KIF6: variants seen among roughly 807,000 people sequenced by gnomAD.
KIF6 encodes kinesin family member 6.
Under a neutral mutation model 112.7 loss-of-function variants are expected in KIF6, and 106 were observed. The ratio of observed to expected loss-of-function variants is 0.94; its 90% confidence interval spans 0.80 to 1.11. KIF6 has a LOEUF of 1.11. KIF6 is among the 50% of genes least tolerant of loss of function. KIF6 has a pLI of 0.00. For synonymous variants in KIF6, 339 were observed against 339.9 expected, an observed-to-expected ratio of 1.00 and a Z score of 0.03; for missense variants, 929 against 964.0, an observed-to-expected ratio of 0.96 and a Z score of 0.48.
chr6:39,496,111 A>G (rs1775768017), intron 13 of KIF6, among the ~76,000 whole-genome samples: 1 of 152,112 alleles, frequency 6.6e-6, no homozygotes, highest in South Asian at 2.1e-4. Flanking sequence ...CTTAACATTA[A>G]ACCTCTAAAC....
At chr6:39,358,370 G>A (rs1281621736) in intron 18 of KIF6, among the ~76,000 whole-genome samples, 1 of 152,248 alleles carries the variant, frequency 6.6e-6, no homozygotes, top group Non-Finnish European at 1.5e-5. Flanking sequence ...CTCAGGGGCA[G>A]CATGGAATTG....
intron 13 of KIF6, among the ~76,000 whole-genome samples, chr6:39,440,283 T>C (rs891077599): frequency 6.6e-6 from 1 of 152,084 alleles, no homozygotes; most frequent in Non-Finnish European, 1.5e-5. Context: ...AGGATGATTA[T>C]ACTCTGTGGC....
At chr6:39,612,175 G>T (rs1783250993) in intron 6 of KIF6, among the ~76,000 whole-genome samples, 1 of 152,136 alleles carries the variant, frequency 6.6e-6, no homozygotes, top group Non-Finnish European at 1.5e-5. Flanking sequence ...TGCGTCTAAG[G>T]CAGGGCATTC....
chr6:39,644,737 A>T (rs1305975177), intron 3 of KIF6, among the ~76,000 whole-genome samples: 1 of 152,182 alleles, frequency 6.6e-6, no homozygotes, highest in Non-Finnish European at 1.5e-5. Context: ...TCAAAATTAA[A>T]TAATGGTGAT....
chr6:39,645,705 T>C (rs373914992), intron 3 of KIF6, among the ~76,000 whole-genome samples: 1 of 152,174 alleles, frequency 6.6e-6, no homozygotes, highest in East Asian at 1.9e-4. Context: ...CTTTTTCTAT[T>C]GATTGGAATA....
At chr6:39,497,354 G>T (rs1775845017) in intron 13 of KIF6, among the ~76,000 whole-genome samples, 1 of 152,202 alleles carries the variant, frequency 6.6e-6, no homozygotes, top group Admixed American at 6.5e-5. Context: ...AGAAGTCAAT[G>T]CTGTTTAAGT....
At position 39,720,827 on chromosome 6, in the gene KIF6, C is replaced by A; in HGVS notation, c.67-16G>T. On this transcript the variant is annotated splice_polypyrimidine_tract_variant and intron_variant, in intron 1 of 22. Coordinates refer to ENST00000287152, the MANE Select transcript of KIF6 (RefSeq NM_145027.6). ...TGGAATAAATCTGCAAATGTGAAGA[C>A]AACAAATGGATATAAAATGGTGAAA... The A allele has an allele frequency of 9.3e-7, 1 of 1,077,018 alleles. No individual in the cohort carries two copies. Among genetic ancestry groups the A allele is most frequent in the East Asian group, 2.4e-5 (1 of 42,456 alleles). 66.7% of individuals were successfully genotyped at this position (1,077,018 alleles called of 1,614,324 possible).
intron 12 of KIF6, among the ~76,000 whole-genome samples, chr6:39,542,642 C>A (rs1232579880): frequency 6.6e-6 from 1 of 152,152 alleles, no homozygotes; most frequent in Non-Finnish European, 1.5e-5. Flanking sequence ...AGTCGTTGGT[C>A]TTTGATAAGC....
intron 4 of KIF6, among the ~76,000 whole-genome samples, chr6:39,636,670 CCT>C (rs1784636822): frequency 6.6e-6 from 1 of 151,870 alleles, no homozygotes; most frequent in South Asian, 2.1e-4. Context: ...AGACTCTGTC[CCT>C]CTCTGCAGCA....
rs145320572 is a variant in KIF6 at position 39,336,431 on chromosome 6, G to T, written c.*101C>A. The stretch of plus-strand genomic sequence containing the variant: ...TCAAAGTCACTAGTTGCTCCCAGCA[G>T]CCCATAGTTCACTTCTGAAGCCAGA... On this transcript the variant is annotated 3_prime_UTR_variant, in exon 23 of 23. Coordinates refer to ENST00000287152, the MANE Select transcript of KIF6 (RefSeq NM_145027.6). The T allele has an allele frequency of 2.1e-3, 2,391 of 1,132,206 alleles. 4 individuals are homozygous for T. The highest frequency in any genetic ancestry group is 2.7e-3 in the Non-Finnish European group (2,005 of 746,812). 70.1% of individuals were successfully genotyped at this position (1,132,206 alleles called of 1,614,324 possible). A position where few individuals can be genotyped will look rare whatever the true frequency, so the allele number is the denominator to read the frequency against.
intron 10 of KIF6, among the ~76,000 whole-genome samples, chr6:39,560,753 T>C (rs1026353273): frequency 3.3e-5 from 5 of 152,190 alleles, no homozygotes; most frequent in African/African-American, 1.2e-4. Context: ...AACCCCACCC[T>C]TCCATCCCAG....
intron 6 of KIF6, among the ~76,000 whole-genome samples, chr6:39,597,033 A>G (rs1782311429): frequency 6.6e-6 from 1 of 152,176 alleles, no homozygotes; most frequent in Non-Finnish European, 1.5e-5. Flanking sequence ...TATAGGAAAA[A>G]TGGTAAGATA....
chr6:39,390,335 C>T (rs6904583), intron 15 of KIF6, among the ~76,000 whole-genome samples: 9,193 of 152,092 alleles, frequency 0.06, 495 homozygotes, highest in African/African-American at 0.15. Flanking sequence ...ACAGGTCAAG[C>T]GGCTAAATGT....
intron 3 of KIF6, among the ~76,000 whole-genome samples, chr6:39,692,347 A>T (rs1235937778): frequency 6.6e-6 from 1 of 152,234 alleles, no homozygotes; most frequent in Non-Finnish European, 1.5e-5. Flanking sequence ...ACAAAAGCTC[A>T]AACTTAAAAC....
At position 39,330,060 on chromosome 6, in the gene KIF6, C is replaced by T. The variant is rs1762686518; in HGVS notation, c.*6472G>A. 6.6e-6 allele frequency: 1 copy of T among 152,202 alleles called. No individual in the cohort carries two copies. Among genetic ancestry groups the T allele is most frequent in the South Asian group, 2.1e-4 (1 of 4,808 alleles). The allele number at this position is 152,202 out of a possible 1,614,324, so 9.4% of individuals were successfully genotyped here. ...TCTTTGTCCTATGATGTTAAGAGTC[C>T]ATCAAATCAGCATGTTAGCGCAGGT... is the stretch of plus-strand genomic sequence containing the variant. On this transcript the variant is annotated 3_prime_UTR_variant, in exon 23 of 23. Transcript: ENST00000287152.
At chr6:39,674,266 T>C (rs1787004937) in intron 3 of KIF6, among the ~76,000 whole-genome samples, 1 of 152,158 alleles carries the variant, frequency 6.6e-6, no homozygotes, top group Non-Finnish European at 1.5e-5. Context: ...AGATGAATTG[T>C]ATAAATTCAA....
chr6:39,592,792 T>C (rs2150677796), intron 7 of KIF6, among the ~76,000 whole-genome samples: 1 of 152,390 alleles, frequency 6.6e-6, no homozygotes, highest in African/African-American at 2.4e-5. Context: ...AAAAGAAAGT[T>C]ATTTACTTGT....
chr6:39,389,706 C>G (rs773793176), intron 15 of KIF6, among the ~76,000 whole-genome samples: 1 of 152,160 alleles, frequency 6.6e-6, no homozygotes, highest in Non-Finnish European at 1.5e-5. Context: ...TGAAGCAAAC[C>G]TCTTTGCTAT....
rs201325055 is a variant in KIF6 at position 39,447,615 on chromosome 6, T to C, written c.1646-16454A>G. ...TCTATTTGTAGTGTGACTGGCAGCG[T>C]AGGGGACTTAAGAACACTTAGACAC... On this transcript the variant is annotated intron_variant, in intron 13 of 22. Coordinates refer to ENST00000287152, the MANE Select transcript of KIF6 (RefSeq NM_145027.6). 2.0e-5 allele frequency among the ~76,000 whole-genome samples: 3 copies of C among 152,034 alleles called. No individual in the cohort carries two copies. The East Asian group carries it at 5.8e-4, about 29-fold the overall frequency.
Sources: allele counts gnomAD v4.1 joint callset (sites outside exome capture counted in the v4.1 genomes callset), GRCh38; gene constraint gnomAD v4.1.1; transcripts MANE v1.5; gene names NCBI Gene and HGNC (gene_info 2026-07-23, HGNC 2026-07-21).